RIT2: variants seen among roughly 807,000 people sequenced by gnomAD.
The protein encoded by RIT2 is Ras like without CAAX 2, also known as GTP-binding protein Rit2.
Under a neutral mutation model 23.7 loss-of-function variants are expected in RIT2, and 24 were observed. That is an observed-to-expected ratio of 1.01 (90% CI 0.73 to 1.43). The LOEUF (loss-of-function observed/expected upper bound fraction) is 1.43. RIT2 is among the 40% of genes most tolerant of loss of function. The probability of loss-of-function intolerance (pLI) is 0.00; values close to 1 mark genes in which losing one functional copy is unlikely to be tolerated. For missense variants in RIT2, 236 were observed against 266.9 expected (o/e 0.88, Z 0.81); for synonymous variants, 107 against 91.1 (o/e 1.17, Z -0.99).
intron 3 of RIT2, among the ~76,000 whole-genome samples, chr18:42,927,972 G>C (rs1909225135): frequency 6.6e-6 from 1 of 151,968 alleles, no homozygotes. Context: ...TTGCATTCAA[G>C]TAGCAGTACT....
In RIT2 at chr18:43,033,771, T is replaced by C. The variant is rs369613443; in HGVS notation, c.160+40A>G. On this transcript the variant is annotated intron_variant, in intron 2 of 4. Transcript: ENST00000326695. ...ATTTTCAAGCCACTTAGTCACAGTG[T>C]CTTTATTTGAGCTTACGGAGAAAGG... The C allele has an allele frequency of 5.3e-4, 738 of 1,398,960 alleles. 1 individual carries two copies. The highest frequency in any genetic ancestry group is 1.2e-3 in the South Asian group (105 of 84,430). The allele number at this position is 1,398,960 out of a possible 1,614,324, so 86.7% of individuals were successfully genotyped here.
chr18:42,772,804 C>G (rs1034518952), intron 4 of RIT2, among the ~76,000 whole-genome samples: 7 of 152,102 alleles, frequency 4.6e-5, no homozygotes, highest in Admixed American at 4.6e-4. Flanking sequence ...TTCAGCCTCA[C>G]CCCCGAAACT....
chr18:42,821,243 C>A (rs552306179), intron 4 of RIT2, among the ~76,000 whole-genome samples: 6 of 152,068 alleles, frequency 3.9e-5, no homozygotes, highest in African/African-American at 1.4e-4. Context: ...GGATTTAGAA[C>A]CAGACCCTGT....
At chr18:42,911,963 C>T (rs1794169690) in intron 4 of RIT2, among the ~76,000 whole-genome samples, 1 of 151,734 alleles carries the variant, frequency 6.6e-6, no homozygotes, top group African/African-American at 2.4e-5. Flanking sequence ...GATACCCAAA[C>T]CCAACAGGGA....
intron 1 of RIT2, among the ~76,000 whole-genome samples, chr18:43,082,838 C>G (rs1165407895): frequency 1.3e-5 from 2 of 152,164 alleles, no homozygotes; most frequent in East Asian, 3.9e-4. Context: ...AGAATGCCCT[C>G]TCTCACCACT....
intron 4 of RIT2, among the ~76,000 whole-genome samples, chr18:42,887,816 T>C (rs924365740): frequency 1.7e-4 from 26 of 148,678 alleles, no homozygotes; most frequent in African/African-American, 6.5e-4. Flanking sequence ...AATGGAATAG[T>C]ATTCAGCATC....
At position 43,052,965 on chromosome 18, in the gene RIT2, G is replaced by A. The variant is rs547743456; in HGVS notation, c.104-19098C>T. Among the ~76,000 whole-genome samples, 9 of 151,912 alleles carry A rather than the reference G, an allele frequency of 5.9e-5. No homozygotes were observed. In the South Asian group the frequency reaches 6.2e-4, roughly 11 times the overall value. On this transcript the variant is annotated intron_variant, in intron 1 of 4. Transcript: ENST00000326695. ...CTTTTTGATAGATACTATTTCATGCGGATAATTAAATGGGGCCCAGAGAGG... is the reference window on the plus strand; with the variant it reads ...CTTTTTGATAGATACTATTTCATGCAGATAATTAAATGGGGCCCAGAGAGG...
At chr18:43,017,186 A>G (rs1175826300) in intron 2 of RIT2, among the ~76,000 whole-genome samples, 1 of 152,000 alleles carries the variant, frequency 6.6e-6, no homozygotes, top group African/African-American at 2.4e-5. Flanking sequence ...AATGATAATT[A>G]CACAAATTGG....
intron 4 of RIT2, among the ~76,000 whole-genome samples, chr18:42,833,321 T>A (rs1906512670): frequency 6.6e-6 from 1 of 152,194 alleles, no homozygotes; most frequent in Non-Finnish European, 1.5e-5. Flanking sequence ...GGATTTCATT[T>A]ATTTTTATGG....
In RIT2 at chr18:43,043,817, A is replaced by C. The variant is rs1912184509; in HGVS notation, c.104-9950T>G. Among the ~76,000 whole-genome samples the C allele has an allele frequency of 3.3e-5, 5 of 152,196 alleles. No individual in the cohort carries two copies. In the South Asian group the frequency reaches 1.0e-3, roughly 32 times the overall value. On this transcript the variant is annotated intron_variant, in intron 1 of 4. Coordinates refer to ENST00000326695, the MANE Select transcript of RIT2 (RefSeq NM_002930.4). ...TCCGTCTCAAACAAACAAATAAATAAATAAATCAAATAAATAAATAAATAA... is the reference window on the plus strand; with the variant it reads ...TCCGTCTCAAACAAACAAATAAATACATAAATCAAATAAATAAATAAATAA...
At chr18:42,806,100 AATATATATATATAT>A (rs58214096) in intron 4 of RIT2, among the ~76,000 whole-genome samples, 4 of 140,034 alleles carry the variant, frequency 2.9e-5, no homozygotes, top group African/African-American at 1.0e-4. Context: ...TAATAAAATT[AATATATATATATAT>A]ATATATATAT....
At chr18:42,890,169 G>A (rs1908131618) in intron 4 of RIT2, among the ~76,000 whole-genome samples, 2 of 151,660 alleles carry the variant, frequency 1.3e-5, no homozygotes, top group Admixed American at 1.3e-4. Flanking sequence ...GAGAGTTTCA[G>A]GATACTTTAT....
intron 4 of RIT2, among the ~76,000 whole-genome samples, chr18:42,884,658 T>C (rs1907975432): frequency 6.6e-6 from 1 of 152,192 alleles, no homozygotes; most frequent in Non-Finnish European, 1.5e-5. Context: ...ACTGGTAACT[T>C]GCTATTATCC....
At chr18:42,962,728 C>T (rs76667647) in intron 3 of RIT2, among the ~76,000 whole-genome samples, 152 of 152,214 alleles carry the variant, frequency 1.0e-3, no homozygotes, top group Admixed American at 3.3e-3. Flanking sequence ...AGTTTCAAAC[C>T]GTCATTCTAA....
chr18:42,877,851 T>C (rs1907783417), intron 4 of RIT2, among the ~76,000 whole-genome samples: 3 of 151,810 alleles, frequency 2.0e-5, no homozygotes, highest in African/African-American at 7.2e-5. Flanking sequence ...ATAAAGTGGA[T>C]ATGAAACATA....
intron 2 of RIT2, among the ~76,000 whole-genome samples, chr18:43,008,840 G>A (rs1911284391): frequency 6.6e-6 from 1 of 151,576 alleles, no homozygotes; most frequent in Admixed American, 6.6e-5. Flanking sequence ...TCAATGTAAT[G>A]TTTATTACAA....
chr18:42,859,823 G>A (rs886847199), intron 4 of RIT2, among the ~76,000 whole-genome samples: 6 of 151,234 alleles, frequency 4.0e-5, no homozygotes, highest in African/African-American at 1.2e-4. Context: ...AGGCTGGAGT[G>A]CAGTCATGCC....
chr18:43,049,941 T>C (rs562599449), intron 1 of RIT2, among the ~76,000 whole-genome samples: 3 of 147,748 alleles, frequency 2.0e-5, no homozygotes, highest in African/African-American at 5.0e-5. Context: ...AACTTTCTTC[T>C]GAAAGCAATG....
intron 4 of RIT2, among the ~76,000 whole-genome samples, chr18:42,890,411 C>A (rs2144092590): frequency 6.7e-6 from 1 of 149,038 alleles, no homozygotes; most frequent in East Asian, 2.1e-4. Context: ...TACTACACAG[C>A]TTAAACTCTA....
Sources: allele counts gnomAD v4.1 joint callset (sites outside exome capture counted in the v4.1 genomes callset), GRCh38; gene constraint gnomAD v4.1.1; transcripts MANE v1.5; gene names NCBI Gene and HGNC (gene_info 2026-07-23, HGNC 2026-07-21).